CDKAL1: variants seen among roughly 807,000 people sequenced by gnomAD.
The protein encoded by CDKAL1 is CDKAL1 threonylcarbamoyladenosine tRNA methylthiotransferase.
A neutral mutation model predicts 68.2 loss-of-function variants in CDKAL1; 32 were observed. That is an observed-to-expected ratio of 0.47 (90% CI 0.35 to 0.63). The LOEUF is 0.63. Ranked by LOEUF, CDKAL1 falls within the 30% of genes least tolerant of loss-of-function variation. CDKAL1 has a pLI of 0.00. For missense variants in CDKAL1, 606 were observed against 696.7 expected (o/e 0.87, Z 1.47); for synonymous variants, 234 against 244.3 (o/e 0.96, Z 0.39).
chr6:20,635,488 AT>A (rs56099357), intron 4 of CDKAL1, among the ~76,000 whole-genome samples: 72,394 of 151,154 alleles, frequency 0.48, 18,605 homozygotes, highest in African/African-American at 0.69. Context: ...TTGATTTTGG[AT>A]TTTTTTTTTC....
At chr6:20,661,538 G>A (rs1769283723) in intron 5 of CDKAL1, among the ~76,000 whole-genome samples, 1 of 152,100 alleles carries the variant, frequency 6.6e-6, no homozygotes, top group Middle Eastern at 3.4e-3. Flanking sequence ...ATGCCAGTGA[G>A]CAGTTTTATT....
At position 21,231,096 on chromosome 6, in the gene CDKAL1, A is replaced by G. The variant is rs1779958543; in HGVS notation, c.*57A>G. 5 of 1,371,536 alleles carry G rather than the reference A, an allele frequency of 3.6e-6. No homozygotes were observed. Among genetic ancestry groups the G allele is most frequent in the Admixed American group, 2.0e-5 (1 of 50,266 alleles). 85.0% of individuals were successfully genotyped at this position (1,371,536 alleles called of 1,614,324 possible). On this transcript the variant is annotated 3_prime_UTR_variant, in exon 16 of 16. Coordinates refer to ENST00000274695, the MANE Select transcript of CDKAL1 (RefSeq NM_017774.3). ...AATACATTTCTAATTAAAATCTTCAATGAACAGGAAAGCGACATCTCCATT... is the reference window on the plus strand; with the variant it reads ...AATACATTTCTAATTAAAATCTTCAGTGAACAGGAAAGCGACATCTCCATT...
intron 5 of CDKAL1, among the ~76,000 whole-genome samples, chr6:20,692,748 C>A (rs987474300): frequency 6.6e-6 from 1 of 151,770 alleles, no homozygotes; most frequent in East Asian, 1.9e-4. Context: ...AAAAAAAAAC[C>A]CTAACCTACT....
chr6:20,589,020 A>G (rs187958071), intron 4 of CDKAL1, among the ~76,000 whole-genome samples: 82 of 152,330 alleles, frequency 5.4e-4, no homozygotes, highest in Non-Finnish European at 1.9e-4. Context: ...ATTTAAAAAT[A>G]TCACTACAAA....
chr6:20,918,948 T>G (rs1207494147), intron 9 of CDKAL1, among the ~76,000 whole-genome samples: 4 of 152,200 alleles, frequency 2.6e-5, no homozygotes, highest in Admixed American at 1.3e-4. Context: ...ATCCTGGAAT[T>G]CCTCACTTCT....
In CDKAL1 at chr6:21,093,786, G is replaced by A. The variant is rs116749253; in HGVS notation, c.1237-14615G>A. Among the ~76,000 whole-genome samples, 549 of 135,738 alleles carry A rather than the reference G, an allele frequency of 4.0e-3. 5 individuals carry two copies. The highest frequency in any genetic ancestry group is 0.015 in the African/African-American group (526 of 35,352). The allele number at this position is 135,738 out of a possible 152,430, so 89.0% of individuals were successfully genotyped here. On this transcript the variant is annotated intron_variant, in intron 12 of 15. Transcript: ENST00000274695. ...GCTGGAGTGCAGTGGCACGATCATGGTCATGGCTCACTGCAACCTTGAACT... is the reference window on the plus strand; with the variant it reads ...GCTGGAGTGCAGTGGCACGATCATGATCATGGCTCACTGCAACCTTGAACT...
intron 4 of CDKAL1, among the ~76,000 whole-genome samples, chr6:20,578,493 C>T (rs1056050771): frequency 5.3e-5 from 8 of 152,160 alleles, no homozygotes; most frequent in African/African-American, 1.9e-4. Flanking sequence ...CATGTTGTTG[C>T]ATGTATAAAT....
chr6:20,836,119 G>A (rs1464373702), intron 8 of CDKAL1, among the ~76,000 whole-genome samples: 3 of 152,012 alleles, frequency 2.0e-5, no homozygotes, highest in Non-Finnish European at 4.4e-5. Flanking sequence ...CCTATGAATA[G>A]CCCACACCTG....
chr6:21,165,770 T>C (rs1430521885), intron 13 of CDKAL1, among the ~76,000 whole-genome samples: 1 of 152,226 alleles, frequency 6.6e-6, no homozygotes, highest in African/African-American at 2.4e-5. Context: ...GTCTGTACTC[T>C]GCGATGACAG....
intron 13 of CDKAL1, among the ~76,000 whole-genome samples, chr6:21,160,449 C>T (rs916229651): frequency 1.5e-4 from 23 of 151,640 alleles, no homozygotes; most frequent in Middle Eastern, 3.4e-3. Flanking sequence ...AGGCGCCCAC[C>T]ACCATGCCCA....
intron 5 of CDKAL1, among the ~76,000 whole-genome samples, chr6:20,734,892 TG>T (rs1202851262): frequency 1.7e-5 from 2 of 119,196 alleles, no homozygotes; most frequent in Non-Finnish European, 3.4e-5. Context: ...TTTTTTGAGA[TG>T]GAGTCTCACT....
At chr6:21,101,446 C>G (rs998883549) in intron 12 of CDKAL1, among the ~76,000 whole-genome samples, 3 of 152,112 alleles carry the variant, frequency 2.0e-5, no homozygotes, top group African/African-American at 4.8e-5. Flanking sequence ...CCAAATCTAG[C>G]GTCTTCATTT....
At chr6:20,655,654 G>C (rs1581905937) in intron 5 of CDKAL1, among the ~76,000 whole-genome samples, 1 of 152,208 alleles carries the variant, frequency 6.6e-6, no homozygotes, top group South Asian at 2.1e-4. Flanking sequence ...ACTAATGCTT[G>C]GTGACCTGAG....
At chr6:20,950,691 C>T (rs182286368) in intron 9 of CDKAL1, among the ~76,000 whole-genome samples, 3 of 152,120 alleles carry the variant, frequency 2.0e-5, no homozygotes, top group Non-Finnish European at 2.9e-5. Flanking sequence ...AGGGGCCAGA[C>T]GCGGTGGCTC....
intron 9 of CDKAL1, among the ~76,000 whole-genome samples, chr6:20,941,709 G>A (rs1172966813): frequency 1.3e-5 from 2 of 152,188 alleles, no homozygotes; most frequent in African/African-American, 4.8e-5. Context: ...TTCAAGCACA[G>A]AATTATTAAA....
At chr6:20,760,554 A>G (rs531258774) in intron 7 of CDKAL1, among the ~76,000 whole-genome samples, 3 of 152,312 alleles carry the variant, frequency 2.0e-5, no homozygotes, top group East Asian at 3.9e-4. Context: ...AGGTGCATAC[A>G]GCTAGTAAGT....
chr6:21,085,185 C>T (rs1050224207), intron 12 of CDKAL1, among the ~76,000 whole-genome samples: 1 of 152,120 alleles, frequency 6.6e-6, no homozygotes, highest in Non-Finnish European at 1.5e-5. Flanking sequence ...AATCTTTTTG[C>T]CTGTAATCAC....
intron 5 of CDKAL1, among the ~76,000 whole-genome samples, chr6:20,712,697 C>T (rs1299446317): frequency 1.3e-5 from 2 of 151,710 alleles, no homozygotes; most frequent in South Asian, 2.1e-4. Flanking sequence ...CATGCTGGAG[C>T]GCAATGGCAC....
intron 13 of CDKAL1, among the ~76,000 whole-genome samples, chr6:21,164,055 A>G (rs775953515): frequency 4.6e-5 from 7 of 151,984 alleles, no homozygotes; most frequent in Non-Finnish European, 8.8e-5. Flanking sequence ...AGAATGACCT[A>G]TTCCACTGCT....
Sources: allele counts gnomAD v4.1 joint callset (sites outside exome capture counted in the v4.1 genomes callset), GRCh38; gene constraint gnomAD v4.1.1; transcripts MANE v1.5; gene names NCBI Gene and HGNC (gene_info 2026-07-23, HGNC 2026-07-21).